Variants in COX7B2 observed in about 807,000 individuals in gnomAD.
COX7B2 encodes cytochrome c oxidase subunit 7B2, mitochondrial.
For missense variants in COX7B2, 109 were observed against 95.9 expected (o/e 1.14, Z -0.57); for synonymous variants, 37 against 32.1 (o/e 1.15, Z -0.51).
At chr4:46,788,761 G>T (rs1348930171) in intron 2 of COX7B2, among the ~76,000 whole-genome samples, 1 of 152,094 alleles carries the variant, frequency 6.6e-6, no homozygotes, top group Non-Finnish European at 1.5e-5. Context: ...CCAGATTAAT[G>T]AAATGCTATA....
chr4:46,792,841 A>C (rs1471560235), intron 2 of COX7B2, among the ~76,000 whole-genome samples: 1 of 152,186 alleles, frequency 6.6e-6, no homozygotes, highest in East Asian at 1.9e-4. Flanking sequence ...TTGTGTCTTT[A>C]ATTTGATTAG....
chr4:46,902,107 G>T (rs1441539527), intron 1 of COX7B2, among the ~76,000 whole-genome samples: 1 of 152,088 alleles, frequency 6.6e-6, no homozygotes, highest in Non-Finnish European at 1.5e-5. Context: ...TATGAGCAAT[G>T]GGTTTTCCAA....
chr4:46,745,870 A>G, intron 2 of COX7B2, among the ~76,000 whole-genome samples: 1 of 152,338 alleles, frequency 6.6e-6, no homozygotes, highest in East Asian at 1.9e-4. Context: ...CTTGTTTCAG[A>G]GAGGTTACAA....
At chr4:46,735,552 AC>A (rs1347764158) in intron 2 of COX7B2, among the ~76,000 whole-genome samples, 1 of 152,122 alleles carries the variant, frequency 6.6e-6, no homozygotes, top group East Asian at 1.9e-4. Context: ...CAGACTACAA[AC>A]TTATTAACAT....
intron 2 of COX7B2, among the ~76,000 whole-genome samples, chr4:46,843,122 T>C (rs1394627808): frequency 6.6e-6 from 1 of 152,150 alleles, no homozygotes; most frequent in Non-Finnish European, 1.5e-5. Flanking sequence ...TATCTCATTA[T>C]GGTTTTGATT....
intron 2 of COX7B2, among the ~76,000 whole-genome samples, chr4:46,766,603 G>A (rs1442215816): frequency 1.3e-5 from 2 of 151,708 alleles, no homozygotes; most frequent in Non-Finnish European, 2.9e-5. Context: ...TTGGGAGGCT[G>A]AGGCAGGAGA....
intron 2 of COX7B2, among the ~76,000 whole-genome samples, chr4:46,816,143 C>T (rs1271704338): frequency 6.6e-6 from 1 of 152,158 alleles, no homozygotes; most frequent in Non-Finnish European, 1.5e-5. Flanking sequence ...CTATTACAGC[C>T]TGTAAAATTA....
At chr4:46,876,079 C>T (rs958672406) in intron 1 of COX7B2, among the ~76,000 whole-genome samples, 1 of 152,046 alleles carries the variant, frequency 6.6e-6, no homozygotes, top group African/African-American at 2.4e-5. Flanking sequence ...ATATTAACCA[C>T]AGTGCTTTGT....
intron 2 of COX7B2, among the ~76,000 whole-genome samples, chr4:46,833,196 C>T (rs545107015): frequency 1.8e-4 from 27 of 152,254 alleles, no homozygotes; most frequent in African/African-American, 5.1e-4. Context: ...TGAGCCACCG[C>T]GCCCCACCAA....
intron 2 of COX7B2, among the ~76,000 whole-genome samples, chr4:46,788,617 T>C (rs1717875266): frequency 6.6e-6 from 1 of 152,342 alleles, no homozygotes; most frequent in East Asian, 1.9e-4. Context: ...AATATTTTTA[T>C]CTACATACAT....
chr4:46,843,018 A>T (rs1428482259), intron 2 of COX7B2, among the ~76,000 whole-genome samples: 1 of 152,058 alleles, frequency 6.6e-6, no homozygotes, highest in African/African-American at 2.4e-5. Context: ...AGTCCCACCA[A>T]CAGTGTAAAA....
intron 2 of COX7B2, among the ~76,000 whole-genome samples, chr4:46,818,789 A>G (rs1468617722): frequency 2.0e-5 from 3 of 152,244 alleles, no homozygotes; most frequent in East Asian, 3.8e-4. Flanking sequence ...TCATCTCTAT[A>G]AAATGAACCA....
At chr4:46,791,144 G>A (rs930972575) in intron 2 of COX7B2, among the ~76,000 whole-genome samples, 10 of 151,132 alleles carry the variant, frequency 6.6e-5, no homozygotes, top group African/African-American at 9.7e-5. Context: ...GACTACAGGC[G>A]CCCGCCACCA....
chr4:46,771,990 A>G (rs1716904798), intron 2 of COX7B2, among the ~76,000 whole-genome samples: 1 of 152,140 alleles, frequency 6.6e-6, no homozygotes, highest in Non-Finnish European at 1.5e-5. Flanking sequence ...CACAACCTGT[A>G]TCTCTTTCAC....
At chr4:46,791,174 A>AT (rs34287708) in intron 2 of COX7B2, among the ~76,000 whole-genome samples, 3,284 of 132,492 alleles carry the variant, frequency 0.025, 54 homozygotes, top group Middle Eastern at 0.084. Flanking sequence ...AATTTTTTGT[A>AT]TTTTTTTTTT....
chr4:46,753,690 A>G (rs7442263), intron 2 of COX7B2, among the ~76,000 whole-genome samples: 49,165 of 151,234 alleles, frequency 0.33, 8,242 homozygotes, highest in South Asian at 0.47. Context: ...AAGCAATGGC[A>G]ACAAAAACCA....
chr4:46,756,255 A>G (rs1035262478), intron 2 of COX7B2, among the ~76,000 whole-genome samples: 7 of 152,104 alleles, frequency 4.6e-5, no homozygotes, highest in African/African-American at 1.7e-4. Context: ...TCAGATAGCC[A>G]TATGCAGAAG....
At chr4:46,905,123 C>T (rs1356849256) in intron 1 of COX7B2, among the ~76,000 whole-genome samples, 6 of 151,112 alleles carry the variant, frequency 4.0e-5, no homozygotes, top group African/African-American at 1.5e-4. Flanking sequence ...GTACATAGGA[C>T]TGTATTTGGA....
At chr4:46,869,188 C>T (rs773488916) in intron 1 of COX7B2, among the ~76,000 whole-genome samples, 1 of 152,078 alleles carries the variant, frequency 6.6e-6, no homozygotes, top group Non-Finnish European at 1.5e-5. Context: ...GTTAGGATTG[C>T]AACCCCTGAT....
Sources: allele counts gnomAD v4.1 joint callset (sites outside exome capture counted in the v4.1 genomes callset), GRCh38; gene constraint gnomAD v4.1.1; transcripts MANE v1.5; gene names NCBI Gene and HGNC (gene_info 2026-07-23, HGNC 2026-07-21).